Variants in WASHC4 observed in about 807,000 individuals in gnomAD.
WASHC4 encodes WASH complex subunit 7.
In WASHC4, 86 loss-of-function variants were observed where a neutral mutation model predicts 166.6. The observed-to-expected ratio is 0.52, with a 90% CI of 0.43 to 0.62. The LOEUF is 0.62. WASHC4 is among the 20% of genes least tolerant of loss of function. The pLI, the probability that WASHC4 is intolerant of heterozygous loss-of-function variation, is 0.00. For missense variants in WASHC4, 1,262 were observed against 1,382.4 expected (o/e 0.91, Z 1.38); for synonymous variants, 446 against 451.6 (o/e 0.99, Z 0.16).
intron 18 of WASHC4, among the ~76,000 whole-genome samples, chr12:105,141,625 T>G (rs1224541610): frequency 6.6e-6 from 1 of 152,238 alleles, no homozygotes; most frequent in African/African-American, 2.4e-5. Context: ...TCTATGATTT[T>G]ATTTTAAGAC....
rs371119340 is a variant in WASHC4, at chr12:105,142,356, A to G, written c.1788-97A>G. 1.8e-4 allele frequency: 134 copies of G among 757,528 alleles called. 2 individuals carry two copies. The Middle Eastern group carries it at 2.5e-3, about 14-fold the overall frequency. 46.9% of individuals were successfully genotyped at this position (757,528 alleles called of 1,614,324 possible). A position where few individuals can be genotyped will look rare whatever the true frequency, so the allele number is the denominator to read the frequency against. On this transcript the variant is annotated intron_variant, in intron 18 of 32. Coordinates refer to ENST00000332180, the MANE Select transcript of WASHC4 (RefSeq NM_015275.3). ...GTGATGTAGGGAATGCGAACTGTGT[A>G]AGATGGAACTCTTCCTTCTGTAGTA...
intron 6 of WASHC4, among the ~76,000 whole-genome samples, chr12:105,118,208 A>T (rs1880372337): frequency 6.6e-6 from 1 of 152,200 alleles, no homozygotes; most frequent in Non-Finnish European, 1.5e-5. Context: ...ATTAGACTTG[A>T]AATAGGAGTA....
chr12:105,114,412 G>A lies in WASHC4; in HGVS notation c.306G>A (p.Lys102=), dbSNP rs1373106368. The stretch of plus-strand genomic sequence containing the variant: ...ATGCTGCACTTTGTTGTGAAATCAA[G>A]AAATTAAAATATGAGGTAATTATTT... ...TVYAALCCEI[K]KLKYEAETKF... is the part of the protein sequence containing the mutation. The change falls in exon 4 of 33, where the codon AAG becomes AAA. Residue 102 remains lysine (K), a synonymous_variant. Coordinates refer to ENST00000332180, the MANE Select transcript of WASHC4 (RefSeq NM_015275.3). 6 of 1,588,172 alleles carry A rather than the reference G, an allele frequency of 3.8e-6. No individual in the cohort carries two copies. Among genetic ancestry groups the A allele is most frequent in the East Asian group, 4.5e-5 (2 of 44,204 alleles).
At chr12:105,116,259 A>T (rs1880171745) in intron 6 of WASHC4, among the ~76,000 whole-genome samples, 1 of 152,150 alleles carries the variant, frequency 6.6e-6, no homozygotes, top group Non-Finnish European at 1.5e-5. Flanking sequence ...GAAAAAGCAA[A>T]AATTGAAGCT....
At position 105,144,746 on chromosome 12, in the gene WASHC4, T is replaced by C. The variant is rs1260744680; in HGVS notation, c.2208T>C (p.Thr736=). The change falls in exon 22 of 33, where the codon ACT becomes ACC. Residue 736 remains threonine (T), a synonymous_variant. Transcript: ENST00000332180. ...ACGTAACTCACTACCTAGACAAGAC[T>C]TTCTACAATCTAACAACTGTAGCCC... ...RAYVTHYLDK[T]FYNLTTVALH... is the part of the protein sequence containing the mutation. The C allele has an allele frequency of 2.5e-6, 4 of 1,612,686 alleles. No individual in the cohort carries two copies. In the African/African-American group the frequency reaches 5.3e-5, roughly 22 times the overall value.
chr12:105,136,571 A>G (rs1882338410), intron 14 of WASHC4, among the ~76,000 whole-genome samples: 1 of 152,150 alleles, frequency 6.6e-6, no homozygotes. Context: ...GGAATGAGCT[A>G]ATATGGGCCC....
intron 10 of WASHC4, among the ~76,000 whole-genome samples, chr12:105,122,965 C>CAGA (rs1485809807): frequency 6.6e-6 from 1 of 152,148 alleles, no homozygotes; most frequent in African/African-American, 2.4e-5. Context: ...AGAAGAGTTT[C>CAGA]ATGTCTCTTA....
Position 105,157,475 on chromosome 12 carries a change from C to T in WASHC4, c.2912+153C>T, listed in dbSNP as rs181110704. On this transcript the variant is annotated intron_variant, in intron 28 of 32. Transcript: ENST00000332180. ...GTATAATTTTTAAGACTTCAGTATT[C>T]TAAGACCTTTCCAGCTTCTAGAACA... 2.6e-5 allele frequency among the ~76,000 whole-genome samples: 4 copies of T among 152,244 alleles called. No individual in the cohort carries two copies. The East Asian group carries it at 7.7e-4, about 29-fold the overall frequency.
At chr12:105,143,084 C>A (rs1228399541) in intron 19 of WASHC4, 43 bp from the exon 20 acceptor site, 2 of 1,217,458 alleles carry the variant, frequency 1.6e-6, no homozygotes, top group South Asian at 1.2e-5. Flanking sequence ...AGATTAGAGA[C>A]CTGGTTTTTC....
intron 5 of WASHC4, among the ~76,000 whole-genome samples, 163 bp from the exon 6 acceptor site, chr12:105,115,498 T>A (rs1250639622): frequency 1.3e-5 from 2 of 152,006 alleles, no homozygotes; most frequent in Admixed American, 6.6e-5. Flanking sequence ...ATTATTTGAT[T>A]AATGATTGTC....
chr12:105,130,363 G>T (rs1289388173), intron 13 of WASHC4, among the ~76,000 whole-genome samples: 1 of 152,180 alleles, frequency 6.6e-6, no homozygotes, highest in Non-Finnish European at 1.5e-5. Context: ...ATAGATAACT[G>T]TCAGTCCAAG....
Position 105,115,742 on chromosome 12 carries a change from A to G in WASHC4, c.435+14A>G. On this transcript the variant is annotated intron_variant, in intron 6 of 32. Coordinates refer to ENST00000332180, the MANE Select transcript of WASHC4 (RefSeq NM_015275.3). ...TCATTCTTACAGGTAACTGATTTTT[A>G]CTTTCTACTGAGCTTTTACTTCAAA... is the stretch of plus-strand genomic sequence containing the variant. 1.3e-6 allele frequency: 2 copies of G among 1,542,654 alleles called. No individual in the cohort carries two copies. The highest frequency in any genetic ancestry group is 1.7e-5 in the Admixed American group (1 of 59,892).
chr12:105,139,067 T>A (rs1882567786), intron 15 of WASHC4, among the ~76,000 whole-genome samples: 1 of 152,180 alleles, frequency 6.6e-6, no homozygotes, highest in Non-Finnish European at 1.5e-5. Flanking sequence ...GCATTAATCG[T>A]TATATATGTT....
chr12:105,143,319 A>T (rs1429388489), intron 20 of WASHC4, 76 bp downstream of exon 20: 2 of 830,264 alleles, frequency 2.4e-6, no homozygotes, highest in Non-Finnish European at 4.2e-6. Flanking sequence ...GTTCGATTGA[A>T]GCAGACTCAC....
chr12:105,112,371 A>T (rs1298714687), intron 2 of WASHC4, among the ~76,000 whole-genome samples: 3 of 152,188 alleles, frequency 2.0e-5, no homozygotes, highest in Non-Finnish European at 4.4e-5. Context: ...TTTTGTGTAG[A>T]CATATATAAG....
At chr12:105,131,447 T>A (rs564753567) in intron 13 of WASHC4, among the ~76,000 whole-genome samples, 2 of 152,238 alleles carry the variant, frequency 1.3e-5, no homozygotes, top group Non-Finnish European at 1.5e-5. Context: ...CACAGAGTGA[T>A]GGGCAGAAGT....
intron 6 of WASHC4, among the ~76,000 whole-genome samples, chr12:105,117,966 A>G (rs1880342983): frequency 6.6e-6 from 1 of 152,176 alleles, no homozygotes; most frequent in African/African-American, 2.4e-5. Context: ...ATTACAGGTG[A>G]TCAGTGTTTG....
Position 105,120,470 on chromosome 12 carries a change from T to C in WASHC4, c.519-85T>C. The C allele has an allele frequency of 1.0e-5, 8 of 792,806 alleles. No homozygotes were observed. The South Asian group carries it at 1.2e-4, about 12-fold the overall frequency. 49.1% of individuals were successfully genotyped at this position (792,806 alleles called of 1,614,324 possible). A position where few individuals can be genotyped will look rare whatever the true frequency, so the allele number is the denominator to read the frequency against. ...AAAGATAAATATTAAAATTCCAAGATCATCTGCTCCTGTATGTATTTGAAA... is the reference window on the plus strand; with the variant it reads ...AAAGATAAATATTAAAATTCCAAGACCATCTGCTCCTGTATGTATTTGAAA... On this transcript the variant is annotated intron_variant, in intron 7 of 32. Transcript: ENST00000332180.
chr12:105,111,450 TGTTTAAGAATGACAAAC>T (rs1422910772), intron 2 of WASHC4, among the ~76,000 whole-genome samples, 186 bp downstream of exon 2: 1 of 152,228 alleles, frequency 6.6e-6, no homozygotes, highest in Non-Finnish European at 1.5e-5. Context: ...GTGTGTTTTC[TGTTTAAGAATGACAAAC>T]ACACAGCCTT....
Sources: allele counts gnomAD v4.1 joint callset (sites outside exome capture counted in the v4.1 genomes callset), GRCh38; gene constraint gnomAD v4.1.1; transcripts MANE v1.5; gene names NCBI Gene and HGNC (gene_info 2026-07-23, HGNC 2026-07-21).